Variants in POU2F2 observed in about 807,000 individuals in gnomAD.
POU2F2 encodes POU domain, class 2, transcription factor 2.
POU2F2 carries 14 observed loss-of-function variants against 63.5 expected under a neutral mutation model. That is an observed-to-expected ratio of 0.22 (90% CI 0.15 to 0.34). The LOEUF is 0.34. POU2F2 is among the 10% of genes least tolerant of loss of function. The probability of loss-of-function intolerance (pLI) is 1.00; values close to 1 mark genes in which losing one functional copy is unlikely to be tolerated. For synonymous variants in POU2F2, 306 were observed against 348.6 expected, an observed-to-expected ratio of 0.88 and a Z score of 1.36; for missense variants, 607 against 815.2, an observed-to-expected ratio of 0.74 and a Z score of 3.11.
chr19:42,143,237 G>T (rs1412404765), intron 2 of POU2F2, among the ~76,000 whole-genome samples: 5 of 152,098 alleles, frequency 3.3e-5, no homozygotes. Context: ...GGTAGTGCAT[G>T]CTTGTAATCC....
intron 1 of POU2F2, among the ~76,000 whole-genome samples, 167 bp downstream of exon 1, chr19:42,132,217 A>G (rs1024565371): frequency 1.4e-4 from 21 of 152,148 alleles, no homozygotes; most frequent in Non-Finnish European, 2.9e-4. Context: ...GGCAAAGAGG[A>G]GCTGTGGGGG....
rs1353895797 is a variant in POU2F2 at position 42,094,686 on chromosome 19, AC to A, written c.1197+599del. Reference sequence around the variant, plus strand: ...CACACCCTGGCTTCTAGGCCTTAGTACACACTGGTCCAGGAAGGCTCTTTGC... The same window carrying A: ...CACACCCTGGCTTCTAGGCCTTAGTAACACTGGTCCAGGAAGGCTCTTTGC... On this transcript the variant is annotated intron_variant, in intron 11 of 14. Transcript: ENST00000692977. Among the ~76,000 whole-genome samples, 4 of 152,314 alleles carry A rather than the reference AC, an allele frequency of 2.6e-5. No individual in the cohort carries two copies. In the East Asian group the frequency reaches 7.7e-4, roughly 29 times the overall value.
chr19:42,166,734 C>A (rs1260107173), intron 1 of POU2F2, among the ~76,000 whole-genome samples: 2 of 151,764 alleles, frequency 1.3e-5, no homozygotes, highest in Non-Finnish European at 2.9e-5. Context: ...GCATACAGGC[C>A]CAGGATGATG....
intron 1 of POU2F2, among the ~76,000 whole-genome samples, chr19:42,163,211 G>T (rs948262735): frequency 6.6e-6 from 1 of 152,126 alleles, no homozygotes; most frequent in Non-Finnish European, 1.5e-5. Context: ...GCCCACAAAG[G>T]GCCATGGGGC....
intron 1 of POU2F2, among the ~76,000 whole-genome samples, chr19:42,193,243 A>AGAAAAAT (rs1368786711): frequency 6.6e-6 from 1 of 151,956 alleles, no homozygotes; most frequent in Non-Finnish European, 1.5e-5. Context: ...AAAAGAGGAA[A>AGAAAAAT]GAAAAATTTC....
Position 42,156,589 on chromosome 19 carries a change from G to A in POU2F2, c.-9+3743C>T, listed in dbSNP as rs993297597. The stretch of plus-strand genomic sequence containing the variant: ...CCCAGCCATCCTTCAAGCCACATCT[G>A]GAATAGCACACACCCTATTCCACTA... On this transcript the variant is annotated intron_variant, in intron 2 of 6. Transcript: ENST00000524801. This position sits in a 1 kb window ranked among gnomAD's most constrained non-coding sequence, Gnocchi z 4.1. 6.5e-6 allele frequency: 1 copy of A among 152,712 alleles called. No individual in the cohort carries two copies. Among genetic ancestry groups the A allele is most frequent in the East Asian group, 1.9e-4 (1 of 5,194 alleles). 9.5% of individuals were successfully genotyped at this position (152,712 alleles called of 1,614,324 possible).
chr19:42,195,356 G>A (rs1280513795), intron 1 of POU2F2, among the ~76,000 whole-genome samples: 13 of 120,242 alleles, frequency 1.1e-4, no homozygotes, highest in Admixed American at 1.9e-4. Flanking sequence ...TTTTTGAGAC[G>A]GAGTCTCATT....
At chr19:42,144,473 C>T (rs540195653) in intron 2 of POU2F2, among the ~76,000 whole-genome samples, 4 of 152,232 alleles carry the variant, frequency 2.6e-5, no homozygotes, top group Non-Finnish European at 4.4e-5. Flanking sequence ...CCTGGGCAAG[C>T]GCCTCTTCCA....
intron 1 of POU2F2, among the ~76,000 whole-genome samples, chr19:42,195,858 C>T (rs761810235): frequency 1.2e-4 from 18 of 150,990 alleles, no homozygotes; most frequent in East Asian, 1.2e-3. Context: ...CGGCTCACTG[C>T]AACCTCCACC....
chr19:42,146,781 G>A (rs2034243409), intron 2 of POU2F2, among the ~76,000 whole-genome samples: 1 of 152,244 alleles, frequency 6.6e-6, no homozygotes, highest in South Asian at 2.1e-4. Context: ...GCCTCATGGA[G>A]GCTTCCTGCA....
At chr19:42,115,690 T>C (rs1332068526) in intron 5 of POU2F2, among the ~76,000 whole-genome samples, 2 of 152,088 alleles carry the variant, frequency 1.3e-5, no homozygotes, top group African/African-American at 4.8e-5. Context: ...CCCACTCTGC[T>C]CCCCCGGCTG....
chr19:42,154,651 T>G (rs2034422849), intron 2 of POU2F2, among the ~76,000 whole-genome samples: 1 of 151,506 alleles, frequency 6.6e-6, no homozygotes. Flanking sequence ...ACCAGAGAGA[T>G]AAAAGGCAGA....
intron 2 of POU2F2, among the ~76,000 whole-genome samples, chr19:42,145,722 G>T (rs1206627166): frequency 6.6e-5 from 10 of 152,154 alleles, no homozygotes; most frequent in Admixed American, 6.5e-4. Context: ...ATTGCTTGAG[G>T]TCAGGAGTTC....
Position 42,095,391 on chromosome 19 carries a change from G to A in POU2F2, c.1092C>T (p.Arg364=), listed in dbSNP as rs749424069. 10 of 1,613,952 alleles carry A rather than the reference G, an allele frequency of 6.2e-6. No homozygotes were observed. Among genetic ancestry groups the A allele is most frequent in the Non-Finnish European group, 8.5e-6 (10 of 1,180,010 alleles). ...TCTGGCGCCGGTTGCAGAACCAGACGCGGATCACTTCCTTCTCCATGTGCA... is the reference window on the plus strand; with the variant it reads ...TCTGGCGCCGGTTGCAGAACCAGACACGGATCACTTCCTTCTCCATGTGCA... ...EQLHMEKEVI[R]VWFCNRRQKE... The change falls in exon 11 of 15, where the codon CGC becomes CGT. Residue 364 remains arginine, a synonymous_variant. Coordinates refer to ENST00000692977, the MANE Select transcript of POU2F2 (RefSeq NM_001394376.1). The surrounding 1 kb of genome is among the most constrained non-coding windows in gnomAD (Gnocchi z 7.1).
In POU2F2 at chr19:42,095,417, G is replaced by A; in HGVS notation, c.1066C>T (p.Leu356=). 6.2e-7 allele frequency: 1 copy of A among 1,613,762 alleles called. No individual in the cohort carries two copies. The highest frequency in any genetic ancestry group is 2.2e-5 in the East Asian group (1 of 44,866). Residue 356 remains leucine (L), a synonymous_variant, in exon 11 of 15, where the codon CTG becomes TTG. Coordinates refer to ENST00000692977, the MANE Select transcript of POU2F2 (RefSeq NM_001394376.1). This position sits in a 1 kb window ranked among gnomAD's most constrained non-coding sequence, Gnocchi z 7.1. The stretch of plus-strand genomic sequence containing the variant: ...CGGATCACTTCCTTCTCCATGTGCA[G>A]CTGCTCGGCGATCAGCAGGATCTCC... ...SEEILLIAEQ[L]HMEKEVIRVW... is the part of the protein sequence containing the mutation.
intron 1 of POU2F2, among the ~76,000 whole-genome samples, chr19:42,174,924 G>A (rs1005069574): frequency 1.3e-5 from 2 of 152,126 alleles, no homozygotes; most frequent in Non-Finnish European, 2.9e-5. Flanking sequence ...AACTCCACAG[G>A]CCCCAGGAAG....
chr19:42,161,846 G>A (rs750784061), intron 1 of POU2F2, among the ~76,000 whole-genome samples: 8 of 152,156 alleles, frequency 5.3e-5, no homozygotes, highest in South Asian at 2.1e-4. Flanking sequence ...CCCAGCCCCC[G>A]CCCTGGAGCT....
chr19:42,109,914 C>T (rs1477159852), intron 5 of POU2F2, among the ~76,000 whole-genome samples: 1 of 152,112 alleles, frequency 6.6e-6, no homozygotes, highest in Non-Finnish European at 1.5e-5. Context: ...ATCAAAACAT[C>T]ATATTTTACT....
chr19:42,096,103 G>A lies in POU2F2; in HGVS notation c.708C>T (p.Arg236=). Residue 236 remains arginine, a synonymous_variant, in exon 8 of 15, where the codon CGC becomes CGT. Transcript: ENST00000692977. The surrounding 1 kb of genome is among the most constrained non-coding windows in gnomAD (Gnocchi z 4.1). ...AGACCTGCGTGAAGCCCAGCTTGAT[G>A]CGGCGTTGCTTGAAGGTGCGGGCGA... The part of the protein sequence containing the change: ...EQFARTFKQR[R]IKLGFTQGDV... The A allele has an allele frequency of 6.2e-7, 1 of 1,613,810 alleles. No homozygotes were observed. Among genetic ancestry groups the A allele is most frequent in the Non-Finnish European group, 8.5e-7 (1 of 1,179,838 alleles).
Sources: gnomAD v4.1 joint callset for allele counts (sites outside exome capture counted in the v4.1 genomes callset) on GRCh38, gnomAD v4.1.1 for gene constraint, Gnocchi (gnomAD v3.1) non-coding constraint, MANE v1.5 for transcripts, NCBI Gene and HGNC (gene_info 2026-07-23, HGNC 2026-07-21) for gene names.